GRIN2B: variants seen among roughly 807,000 people sequenced by gnomAD.
The protein encoded by GRIN2B is glutamate ionotropic receptor NMDA type subunit 2B.
GRIN2B carries 5 observed loss-of-function variants against 114.5 expected under a neutral mutation model. That is an observed-to-expected ratio of 0.04 (90% CI 0.02 to 0.09). The LOEUF is 0.09. Among genes scored for constraint, GRIN2B ranks in the 10% least tolerant of loss-of-function variants. The probability of loss-of-function intolerance (pLI) is 1.00; values close to 1 mark genes in which losing one functional copy is unlikely to be tolerated. For missense variants in GRIN2B, 1,108 were observed against 1,943.5 expected (o/e 0.57, Z 8.08); for synonymous variants, 787 against 745.1 (o/e 1.06, Z -0.92).
rs1866463183 is a variant in GRIN2B, at chr12:13,902,184, A to T, written c.-18-35958T>A. On this transcript the variant is annotated intron_variant, in intron 2 of 13. Coordinates refer to ENST00000609686, the MANE Select transcript of GRIN2B (RefSeq NM_000834.5). ...ATAAATCTTGATATCTGGTAAAGCA[A>T]TTTTTCCCATCGTATTCTTTCTCTT... is the stretch of plus-strand genomic sequence containing the variant. Among the ~76,000 whole-genome samples the T allele has an allele frequency of 3.3e-5, 5 of 152,154 alleles. No homozygotes were observed. In the South Asian group the frequency reaches 8.3e-4, roughly 25 times the overall value.
At chr12:13,690,554 T>C (rs11055586) in intron 4 of GRIN2B, among the ~76,000 whole-genome samples, 24,049 of 152,126 alleles carry the variant, frequency 0.16, 2,113 homozygotes, top group South Asian at 0.2. Context: ...GCCCAGACTC[T>C]TTTTAAACTT....
chr12:13,945,292 G>T (rs1867342717), intron 2 of GRIN2B, among the ~76,000 whole-genome samples: 1 of 152,166 alleles, frequency 6.6e-6, no homozygotes, highest in Non-Finnish European at 1.5e-5. Context: ...TAGAAAGAGT[G>T]AGAAGTGGCA....
At chr12:13,849,817 C>T (rs1249473370) in intron 3 of GRIN2B, among the ~76,000 whole-genome samples, 4 of 152,172 alleles carry the variant, frequency 2.6e-5, no homozygotes, top group African/African-American at 4.8e-5. Context: ...TTGTCCCAGT[C>T]ATGAGGGGTG....
chr12:13,566,005 G>A (rs1433823656), intron 13 of GRIN2B, among the ~76,000 whole-genome samples: 1 of 152,068 alleles, frequency 6.6e-6, no homozygotes, highest in African/African-American at 2.4e-5. Context: ...CATGGCTTCT[G>A]GTGTTCCCCT....
intron 10 of GRIN2B, among the ~76,000 whole-genome samples, chr12:13,578,691 A>G (rs1409663300): frequency 1.3e-5 from 2 of 152,250 alleles, no homozygotes; most frequent in Non-Finnish European, 2.9e-5. Context: ...TTTGCTGTGT[A>G]GCAATAGGTG....
chr12:13,878,570 C>G (rs1194360433), intron 2 of GRIN2B, among the ~76,000 whole-genome samples: 1 of 152,184 alleles, frequency 6.6e-6, no homozygotes, highest in African/African-American at 2.4e-5. Flanking sequence ...ATAAATGATA[C>G]AGATTCCTCC....
chr12:13,768,891 T>A (rs1241434525), intron 3 of GRIN2B, among the ~76,000 whole-genome samples: 1 of 152,004 alleles, frequency 6.6e-6, no homozygotes, highest in Non-Finnish European at 1.5e-5. Flanking sequence ...AAAATTAGCC[T>A]GGCTTGGTGG....
chr12:13,736,878 G>A (rs550877426), intron 4 of GRIN2B, among the ~76,000 whole-genome samples: 24 of 151,838 alleles, frequency 1.6e-4, no homozygotes, highest in Admixed American at 3.9e-4. Context: ...AAAATTAGCC[G>A]GGCGTGGTGG....
At chr12:13,912,949 T>C (rs999215849) in intron 2 of GRIN2B, among the ~76,000 whole-genome samples, 3 of 152,152 alleles carry the variant, frequency 2.0e-5, no homozygotes, top group African/African-American at 7.2e-5. Flanking sequence ...CAGGCTAGAA[T>C]TGTAGTCCCA....
At position 13,615,751 on chromosome 12, in the gene GRIN2B, C is replaced by T. The variant is rs963735704; in HGVS notation, c.1329-87G>A. 1.7e-5 allele frequency: 19 copies of T among 1,140,462 alleles called. No individual in the cohort carries two copies. Among genetic ancestry groups the T allele is most frequent in the South Asian group, 1.6e-4 (13 of 81,236 alleles). 70.6% of individuals were successfully genotyped at this position (1,140,462 alleles called of 1,614,324 possible). ...TTATTACCCTTTGCCATTAAAAAAC[C>T]TCCAATCCCAAAGCAGGCCCCCTTC... On this transcript the variant is annotated intron_variant, in intron 6 of 13. Transcript: ENST00000609686. The surrounding 1 kb of genome is among the most constrained non-coding windows in gnomAD (Gnocchi z 5.8).
chr12:13,754,003 G>T, intron 3 of GRIN2B, 88 bp from the exon 4 acceptor site: 1 of 778,370 alleles, frequency 1.3e-6, no homozygotes, highest in Non-Finnish European at 2.3e-6. Context: ...TGGGTACAAA[G>T]ATTTGTGTTC....
At chr12:13,601,663 TCATAGGAAG>T (rs531966990) in intron 10 of GRIN2B, among the ~76,000 whole-genome samples, 13 of 151,888 alleles carry the variant, frequency 8.6e-5, no homozygotes, top group Non-Finnish European at 1.6e-4. Context: ...GTGTTAGAAG[TCATAGGAAG>T]GCAAGAAGCA....
At chr12:13,869,548 T>G (rs1865875207) in intron 2 of GRIN2B, among the ~76,000 whole-genome samples, 1 of 152,290 alleles carries the variant, frequency 6.6e-6, no homozygotes, top group Admixed American at 6.5e-5. Flanking sequence ...GTAAATTTCA[T>G]GCATTATTAG....
chr12:13,846,417 C>A (rs1006151160), intron 3 of GRIN2B, among the ~76,000 whole-genome samples: 1 of 152,136 alleles, frequency 6.6e-6, no homozygotes, highest in African/African-American at 2.4e-5. Flanking sequence ...TTTATATAAT[C>A]CTAGTTGTGA....
intron 5 of GRIN2B, among the ~76,000 whole-genome samples, chr12:13,641,550 G>T (rs183941485): frequency 1.2e-4 from 18 of 152,124 alleles, no homozygotes; most frequent in African/African-American, 4.3e-4. Context: ...TGTCCAATTT[G>T]TTGAGGTCAT....
At chr12:13,807,916 C>T (rs1238768779) in intron 3 of GRIN2B, among the ~76,000 whole-genome samples, 1 of 151,918 alleles carries the variant, frequency 6.6e-6, no homozygotes, top group East Asian at 1.9e-4. Context: ...GTTTAAGCAG[C>T]AGTAGAAAGA....
intron 3 of GRIN2B, among the ~76,000 whole-genome samples, chr12:13,793,784 G>A (rs1023177316): frequency 6.6e-6 from 1 of 152,098 alleles, no homozygotes; most frequent in Admixed American, 6.6e-5. Context: ...TTCACACTCT[G>A]TCTTAGCCTC....
chr12:13,561,450 C>T lies in GRIN2B; in HGVS notation c.*1333G>A, dbSNP rs577781000. On this transcript the variant is annotated 3_prime_UTR_variant, in exon 14 of 14. Coordinates refer to ENST00000609686, the MANE Select transcript of GRIN2B (RefSeq NM_000834.5). ...TAAAGGTCAAGCTCATTTCTCTTAA[C>T]TGTCTGCTCTGTAGCAGTTGTAATC... 1 of 152,654 alleles carries T rather than the reference C, an allele frequency of 6.6e-6. No homozygotes were observed. The highest frequency in any genetic ancestry group is 2.1e-4 in the South Asian group (1 of 4,818). The allele number at this position is 152,654 out of a possible 1,614,324, so 9.5% of individuals were successfully genotyped here.
intron 2 of GRIN2B, among the ~76,000 whole-genome samples, chr12:13,893,210 A>G (rs1257108112): frequency 6.6e-5 from 10 of 152,148 alleles, no homozygotes; most frequent in African/African-American, 2.4e-4. Flanking sequence ...CTATTTCACC[A>G]CTGTTATCAA....
Sources: allele counts gnomAD v4.1 joint callset (sites outside exome capture counted in the v4.1 genomes callset), GRCh38; gene constraint gnomAD v4.1.1; non-coding constraint Gnocchi (gnomAD v3.1); transcripts MANE v1.5; gene names NCBI Gene and HGNC (gene_info 2026-07-23, HGNC 2026-07-21).